The following ATXN7 variants were observed in gnomAD, a reference collection of about 807,000 sequenced individuals.
ATXN7 encodes ataxin 7, also known as ataxin-7.
Under a neutral mutation model 70.5 loss-of-function variants are expected in ATXN7, and 12 were observed. That is an observed-to-expected ratio of 0.17 (90% CI 0.11 to 0.28). ATXN7 has a LOEUF of 0.28. ATXN7 is among the 10% of genes least tolerant of loss of function. The pLI is 1.00. For missense variants in ATXN7, 1,256 were observed against 1,131.7 expected, an observed-to-expected ratio of 1.11 and a Z score of -1.58; for synonymous variants, 498 against 448.7, an observed-to-expected ratio of 1.11 and a Z score of -1.39.
At chr3:63,985,381 C>T (rs987220010) in intron 8 of ATXN7, among the ~76,000 whole-genome samples, 1 of 152,220 alleles carries the variant, frequency 6.6e-6, no homozygotes, top group Non-Finnish European at 1.5e-5. Flanking sequence ...TGAGACCCAG[C>T]TTGTCATGAG....
intron 4 of ATXN7, among the ~76,000 whole-genome samples, chr3:63,942,970 A>T (rs2074795930): frequency 6.6e-6 from 1 of 152,066 alleles, no homozygotes; most frequent in Admixed American, 6.5e-5. Flanking sequence ...TTTGTTGAAA[A>T]CCTGTGTGTC....
rs1287099773 is a variant in ATXN7, at chr3:64,000,586, A to G, written c.*1119A>G. ...TCTGGCATTGTGTGTTTTTGTATGC[A>G]CTCCCCTTCATGCCACTTCAGATGT... On this transcript the variant is annotated 3_prime_UTR_variant, in exon 13 of 13. Coordinates refer to ENST00000674280, the MANE Select transcript of ATXN7 (RefSeq NM_001377405.1). 6.6e-6 allele frequency: 1 copy of G among 151,946 alleles called. No individual in the cohort carries two copies. The highest frequency in any genetic ancestry group is 6.6e-5 in the Admixed American group (1 of 15,252). 9.4% of individuals were successfully genotyped at this position (151,946 alleles called of 1,614,324 possible).
At chr3:63,863,832 A>AGGCGGCGGTTGGC (rs1172502186), upstream of ATXN7, 7 of 1,218,474 alleles carry the variant, frequency 5.7e-6, no homozygotes, top group South Asian at 4.0e-5. Flanking sequence ...GCGCAAGCTG[A>AGGCGGCGGTTGGC]GGCGGCGGTT....
rs577962164 is a variant in ATXN7 at position 63,999,943 on chromosome 3, C to G, written c.*476C>G. ...GCAGTTAGGCACCTTAACTGGAGAC[C>G]AGAAACCTTCCAGAGAACACAGGGC... On this transcript the variant is annotated 3_prime_UTR_variant, in exon 13 of 13. Coordinates refer to ENST00000674280, the MANE Select transcript of ATXN7 (RefSeq NM_001377405.1). 7.8e-5 allele frequency: 14 copies of G among 179,452 alleles called. No homozygotes were observed. The highest frequency in any genetic ancestry group is 2.5e-4 in the South Asian group (2 of 7,872). 11.1% of individuals were successfully genotyped at this position (179,452 alleles called of 1,614,324 possible).
rs1422442993 is a variant in ATXN7, at chr3:63,995,708, C to T, written c.1886C>T (p.Pro629Leu). 6.2e-7 allele frequency: 1 copy of T among 1,614,128 alleles called. No individual in the cohort carries two copies. The highest frequency in any genetic ancestry group is 1.3e-5 in the African/African-American group (1 of 74,940). ...CATGGAACCACACTAAATGCACAGC[C>T]TGCTGCTTCAGGGGCGATGGATCCT... ...PAHGTTLNAQ[P>L]AASGAMDPVC... Residue 629 changes from proline to leucine, a missense_variant, in exon 12 of 13, where the codon CCT becomes CTT. Coordinates refer to ENST00000674280, the MANE Select transcript of ATXN7 (RefSeq NM_001377405.1).
intron 2 of ATXN7, chr3:63,903,771 A>ATGGGT (rs1465992719): frequency 6.6e-6 from 1 of 152,206 alleles, no homozygotes; most frequent in Admixed American, 6.5e-5. Flanking sequence ...GGTGGCAGAG[A>ATGGGT]TGGGTTCCAG....
intron 5 of ATXN7, among the ~76,000 whole-genome samples, chr3:63,978,094 T>A (rs1385079972): frequency 6.6e-6 from 1 of 152,194 alleles, no homozygotes; most frequent in African/African-American, 2.4e-5. Flanking sequence ...TAGCCTGGTC[T>A]ACTGTAGTGT....
intron 5 of ATXN7, among the ~76,000 whole-genome samples, chr3:63,970,397 T>G (rs2075291491): frequency 6.6e-6 from 1 of 152,172 alleles, no homozygotes; most frequent in Non-Finnish European, 1.5e-5. Flanking sequence ...GACAAGCTGT[T>G]TTTTGAAAGA....
chr3:63,977,101 G>A (rs944398460), intron 5 of ATXN7, among the ~76,000 whole-genome samples: 1 of 152,154 alleles, frequency 6.6e-6, no homozygotes, highest in Non-Finnish European at 1.5e-5. Flanking sequence ...GGTAGATGGT[G>A]GAAGTTTGAG....
intron 5 of ATXN7, among the ~76,000 whole-genome samples, chr3:63,978,250 G>C (rs2075425162): frequency 6.6e-6 from 1 of 152,120 alleles, no homozygotes; most frequent in Non-Finnish European, 1.5e-5. Flanking sequence ...TATTCCAGTG[G>C]GTAGCCAAGG....
chr3:63,884,235 ACACACATACTCT>A (rs1350483175), intron 1 of ATXN7, among the ~76,000 whole-genome samples: 2 of 139,374 alleles, frequency 1.4e-5, no homozygotes, highest in African/African-American at 5.3e-5. Context: ...ACACACACAC[ACACACATACTCT>A]CACACACACA....
intron 1 of ATXN7, among the ~76,000 whole-genome samples, chr3:63,891,686 T>C (rs1253443873): frequency 1.3e-5 from 2 of 152,150 alleles, no homozygotes; most frequent in Non-Finnish European, 2.9e-5. Context: ...GCAATGAATA[T>C]TGGGAAATTT....
rs113634909 is a variant in ATXN7, at chr3:63,997,542, C to T, written c.2661+1059C>T. 2.9e-4 allele frequency: 350 copies of T among 1,225,398 alleles called. 2 individuals are homozygous for T. The African/African-American group carries it at 4.3e-3, about 15-fold the overall frequency. The allele number at this position is 1,225,398 out of a possible 1,614,324, so 75.9% of individuals were successfully genotyped here. A position where few individuals can be genotyped will look rare whatever the true frequency, so the allele number is the denominator to read the frequency against. ...TCCCAGCTCTTCTGCCTGTTACTGA[C>T]CTCACCTGTAGCTGTTTCTTCCAGC... On this transcript the variant is annotated intron_variant, in intron 12 of 12. Transcript: ENST00000674280.
chr3:63,885,563 G>T (rs1032565513), intron 1 of ATXN7, among the ~76,000 whole-genome samples: 1 of 152,094 alleles, frequency 6.6e-6, no homozygotes, highest in African/African-American at 2.4e-5. Flanking sequence ...AAATAGAAAA[G>T]AACTATATGA....
intron 1 of ATXN7, among the ~76,000 whole-genome samples, chr3:63,878,022 T>G (rs1559617665): frequency 6.6e-6 from 1 of 152,196 alleles, no homozygotes; most frequent in Non-Finnish European, 1.5e-5. Flanking sequence ...CCTGTTCATC[T>G]TTTGCATTAG....
chr3:63,964,542 A>G (rs188996409), intron 5 of ATXN7, among the ~76,000 whole-genome samples: 1 of 152,284 alleles, frequency 6.6e-6, no homozygotes, highest in East Asian at 1.9e-4. Context: ...CAGGCCATGA[A>G]GATATATTTT....
At chr3:63,952,992 C>T (rs564755189) in intron 5 of ATXN7, among the ~76,000 whole-genome samples, 264 of 151,924 alleles carry the variant, frequency 1.7e-3, no homozygotes, top group Non-Finnish European at 2.9e-3. Context: ...GATTCTGATT[C>T]TAAAACTTGG....
chr3:63,985,549 G>T (rs1263246160), intron 8 of ATXN7, among the ~76,000 whole-genome samples: 2 of 152,180 alleles, frequency 1.3e-5, no homozygotes, highest in African/African-American at 4.8e-5. Context: ...ATGCCTGCAT[G>T]TCCCTACCCT....
At chr3:63,879,797 G>C (rs1702853670) in intron 1 of ATXN7, among the ~76,000 whole-genome samples, 1 of 152,138 alleles carries the variant, frequency 6.6e-6, no homozygotes, top group South Asian at 2.1e-4. Flanking sequence ...TACAAGAACA[G>C]ATGTGGCCAG....
Sources: allele counts gnomAD v4.1 joint callset (sites outside exome capture counted in the v4.1 genomes callset), GRCh38; gene constraint gnomAD v4.1.1; transcripts MANE v1.5; gene names NCBI Gene and HGNC (gene_info 2026-07-23, HGNC 2026-07-21).